The following GTF2H1 variants were observed in gnomAD, a reference collection of about 807,000 sequenced individuals.
GTF2H1 encodes the protein BTF2 p62.
In GTF2H1, 16 loss-of-function variants were observed where a neutral mutation model predicts 71.2. The observed-to-expected ratio is 0.22, with a 90% CI of 0.15 to 0.34. The LOEUF (loss-of-function observed/expected upper bound fraction) is 0.34, where lower values mean the gene tolerates loss of function less well. Ranked by LOEUF, GTF2H1 falls within the 10% of genes least tolerant of loss-of-function variation. The pLI is 1.00. For missense variants in GTF2H1, 498 were observed against 648.2 expected (o/e 0.77, Z 2.52); for synonymous variants, 215 against 219.0 (o/e 0.98, Z 0.16).
chr11:18,358,107 A>G, intron 12 of GTF2H1, 65 bp downstream of exon 12: 1 of 1,045,864 alleles, frequency 9.6e-7, no homozygotes, highest in Non-Finnish European at 1.5e-6. Flanking sequence ...AGCTGGGAGG[A>G]GTGCTGAACT....
chr11:18,363,579 A>C (rs1865754640), intron 14 of GTF2H1, among the ~76,000 whole-genome samples: 1 of 152,216 alleles, frequency 6.6e-6, no homozygotes, highest in Non-Finnish European at 1.5e-5. Flanking sequence ...TTTACAATTG[A>C]AAGCTGAAAA....
intron 1 of GTF2H1, among the ~76,000 whole-genome samples, chr11:18,325,570 AGGAG>A (rs1864743458): frequency 6.6e-6 from 1 of 152,220 alleles, no homozygotes; most frequent in African/African-American, 2.4e-5. Flanking sequence ...GCAATCTGTC[AGGAG>A]ACGTGTACAT....
chr11:18,323,398 G>A (rs879502210), intron 1 of GTF2H1, among the ~76,000 whole-genome samples: 3 of 151,984 alleles, frequency 2.0e-5, no homozygotes, highest in Admixed American at 6.6e-5. Context: ...CTGGGCTCAA[G>A]CGATTCTCCT....
chr11:18,358,952 C>T (rs568171953), intron 13 of GTF2H1, among the ~76,000 whole-genome samples: 2 of 152,156 alleles, frequency 1.3e-5, no homozygotes, highest in Non-Finnish European at 2.9e-5. Flanking sequence ...ATATTTGATA[C>T]GTTTTTCAGG....
intron 7 of GTF2H1, among the ~76,000 whole-genome samples, chr11:18,343,776 T>C (rs1035151214): frequency 1.3e-5 from 2 of 152,186 alleles, no homozygotes; most frequent in African/African-American, 4.8e-5. Flanking sequence ...TTCCCTCTCT[T>C]AGTAAAAAGC....
At position 18,357,226 on chromosome 11, in the gene GTF2H1, T is replaced by TCC. The variant is rs918486072; in HGVS notation, c.1261-724_1261-723dup. On this transcript the variant is annotated intron_variant, in intron 11 of 14. Transcript: ENST00000265963. ...ATTTGTTCCTCCCTATAGCAGTGCC[T>TCC]CCCTACAGTACCTGGCACTTGATAG... Among the ~76,000 whole-genome samples the TCC allele has an allele frequency of 1.0e-3, 154 of 152,322 alleles. 2 individuals carry two copies. The highest frequency in any genetic ancestry group is 3.6e-3 in the African/African-American group (149 of 41,588).
intron 5 of GTF2H1, 95 bp from the exon 6 acceptor site, chr11:18,341,166 G>A: frequency 1.2e-6 from 1 of 860,808 alleles, no homozygotes; most frequent in Non-Finnish European, 1.8e-6. Context: ...AGAGCTTTAT[G>A]GTCTAGATTT....
rs1315922179 is a variant in GTF2H1 at position 18,339,628 on chromosome 11, T to C, written c.578T>C (p.Ile193Thr). The C allele has an allele frequency of 3.1e-6, 5 of 1,610,002 alleles. No homozygotes were observed. The highest frequency in any genetic ancestry group is 4.3e-6 in the Non-Finnish European group (5 of 1,176,268). Residue 193 changes from isoleucine to threonine, a missense_variant, in exon 5 of 15, where the codon ATT (isoleucine) becomes ACT (threonine). Ile to Thr is a moderately conservative substitution (Grantham distance 89, BLOSUM62 -1). Coordinates refer to ENST00000265963, the MANE Select transcript of GTF2H1 (RefSeq NM_005316.4). Reference protein sequence around the residue: ...GLRYNLTSDIIESIFRTYPAV... With the variant: ...GLRYNLTSDITESIFRTYPAV... ...AGATATAATTTAACTTCTGATATCA[T>C]TGAGTCCATATTTAGGACCTATCCA...
chr11:18,331,352 A>G (rs1864891275), intron 1 of GTF2H1, among the ~76,000 whole-genome samples: 1 of 151,876 alleles, frequency 6.6e-6, no homozygotes, highest in Admixed American at 6.6e-5. Context: ...CACCGTGCCC[A>G]GCCATATTTA....
chr11:18,346,322 C>T (rs1865292129), intron 7 of GTF2H1, among the ~76,000 whole-genome samples: 2 of 152,190 alleles, frequency 1.3e-5, no homozygotes, highest in Non-Finnish European at 2.9e-5. Context: ...ATAATCAGGA[C>T]CACAGTGCCT....
intron 3 of GTF2H1, among the ~76,000 whole-genome samples, chr11:18,336,279 A>G (rs1359338014): frequency 6.6e-6 from 1 of 152,048 alleles, no homozygotes; most frequent in Non-Finnish European, 1.5e-5. Flanking sequence ...GGCATGTGCC[A>G]CCATGCCCGG....
At chr11:18,341,715 A>G (rs1018506806) in intron 7 of GTF2H1, 108 bp downstream of exon 7, 1 of 657,310 alleles carries the variant, frequency 1.5e-6, no homozygotes, top group Non-Finnish European at 2.6e-6. Flanking sequence ...CAAATAAGCA[A>G]AATACTGTTA....
At chr11:18,331,198 A>AG (rs1221865462) in intron 1 of GTF2H1, among the ~76,000 whole-genome samples, 1 of 152,110 alleles carries the variant, frequency 6.6e-6, no homozygotes, top group African/African-American at 2.4e-5. Context: ...CTGGGACTGC[A>AG]GGAGCACATC....
chr11:18,339,417 C>G (rs908931219), intron 4 of GTF2H1, 147 bp from the exon 5 acceptor site: 3 of 551,482 alleles, frequency 5.4e-6, no homozygotes, highest in African/African-American at 3.9e-5. Flanking sequence ...AGTCCTGCCT[C>G]TGTGCAAAAA....
At chr11:18,326,415 G>A (rs1460543151) in intron 1 of GTF2H1, among the ~76,000 whole-genome samples, 1 of 152,062 alleles carries the variant, frequency 6.6e-6, no homozygotes, top group African/African-American at 2.4e-5. Flanking sequence ...CCACCTATTT[G>A]GGAGGCTGAG....
chr11:18,366,126 C>T lies in GTF2H1; in HGVS notation c.*257C>T, dbSNP rs1011399799. 2.0e-6 allele frequency: 1 copy of T among 501,038 alleles called. No homozygotes were observed. The highest frequency in any genetic ancestry group is 1.9e-5 in the African/African-American group (1 of 52,376). The allele number at this position is 501,038 out of a possible 1,614,324, so 31.0% of individuals were successfully genotyped here. A position where few individuals can be genotyped will look rare whatever the true frequency, so the allele number is the denominator to read the frequency against. ...GCAAATATATATATATACACACACACACATATATGTACATGTGTATGTACA... is the reference window on the plus strand; with the variant it reads ...GCAAATATATATATATACACACACATACATATATGTACATGTGTATGTACA... On this transcript the variant is annotated 3_prime_UTR_variant, in exon 15 of 15. Coordinates refer to ENST00000265963, the MANE Select transcript of GTF2H1 (RefSeq NM_005316.4).
intron 11 of GTF2H1, among the ~76,000 whole-genome samples, chr11:18,354,536 A>G (rs953104380): frequency 6.6e-6 from 1 of 152,106 alleles, no homozygotes; most frequent in Non-Finnish European, 1.5e-5. Flanking sequence ...GACTCAAGCA[A>G]TCCTCCTGCC....
Position 18,347,896 on chromosome 11 carries a change from T to A in GTF2H1, c.1030T>A (p.Cys344Ser). ...GGATGGAAATTCCGGAGATGCAGAC[T>A]GCTTTCAGCCAGCAGTCAAAAGGGT... ...NMDGNSGDAD[C>S]FQPAVKRAKL... Residue 344 changes from cysteine (C) to serine (S), a missense_variant, in exon 9 of 15, where the codon TGC (cysteine) becomes AGC (serine). Around this residue, in one of 3 missense-constraint regions of GTF2H1, gnomAD observed 266 missense variants for 301.6 expected, o/e 0.88. Transcript: ENST00000265963. 6.2e-7 allele frequency: 1 copy of A among 1,613,666 alleles called. No individual in the cohort carries two copies. Among genetic ancestry groups the A allele is most frequent in the Non-Finnish European group, 8.5e-7 (1 of 1,179,552 alleles).
At chr11:18,359,589 A>G (rs1565019680) in intron 13 of GTF2H1, among the ~76,000 whole-genome samples, 2 of 152,212 alleles carry the variant, frequency 1.3e-5, no homozygotes, top group African/African-American at 4.8e-5. Flanking sequence ...AGGAATGCAA[A>G]TACTTAGCTA....
Sources: allele counts gnomAD v4.1 joint callset (sites outside exome capture counted in the v4.1 genomes callset), GRCh38; gene constraint gnomAD v4.1.1; regional missense constraint gnomAD v4.1.1; transcripts MANE v1.5; gene names NCBI Gene and HGNC (gene_info 2026-07-23, HGNC 2026-07-21).